LARGE1: variants seen among roughly 807,000 people sequenced by gnomAD.
LARGE1 encodes the protein xylosyl- and glucuronyltransferase LARGE1.
A neutral mutation model predicts 87.6 loss-of-function variants in LARGE1; 43 were observed. That is an observed-to-expected ratio of 0.49 (90% confidence interval 0.38 to 0.63). LARGE1 has a LOEUF of 0.63. Ranked by LOEUF, LARGE1 falls within the 30% of genes least tolerant of loss-of-function variation. LARGE1 has a pLI of 0.00. For synonymous variants in LARGE1, 434 were observed against 394.6 expected, an observed-to-expected ratio of 1.10 and a Z score of -1.18; for missense variants, 802 against 1,000.2, an observed-to-expected ratio of 0.80 and a Z score of 2.67.
At chr22:33,673,133 G>C (rs2081466687) in intron 2 of LARGE1, among the ~76,000 whole-genome samples, 1 of 152,072 alleles carries the variant, frequency 6.6e-6, no homozygotes, top group Non-Finnish European at 1.5e-5. Flanking sequence ...AAATTAGCCA[G>C]GCATGGTGGC....
chr22:33,897,754 C>A (rs2065182720), intron 1 of LARGE1, among the ~76,000 whole-genome samples: 1 of 152,192 alleles, frequency 6.6e-6, no homozygotes, highest in Admixed American at 6.5e-5. Context: ...CACAATAAAT[C>A]ACAGGGACCT....
At chr22:33,822,022 A>G (rs2086841613) in intron 1 of LARGE1, among the ~76,000 whole-genome samples, 1 of 149,660 alleles carries the variant, frequency 6.7e-6, no homozygotes, top group Non-Finnish European at 1.5e-5. Context: ...GTGAAAAGAT[A>G]CTTCCCTGAT....
chr22:33,764,700 G>A, intron 1 of LARGE1, among the ~76,000 whole-genome samples: 1 of 152,194 alleles, frequency 6.6e-6, no homozygotes, highest in East Asian at 1.9e-4. Context: ...GGAGGTTACA[G>A]TGAGCAAGAT....
chr22:33,157,206 G>GAAT, the LARGE1 span, among the ~76,000 whole-genome samples: 63,964 of 151,838 alleles, frequency 0.42, 13,868 homozygotes, highest in South Asian at 0.68. Context: ...CAAAGTGAGT[G>GAAT]AATCATTATG....
chr22:33,220,321 T>C (rs370945785), intron 11 of LARGE1, among the ~76,000 whole-genome samples: 1 of 152,202 alleles, frequency 6.6e-6, no homozygotes, highest in East Asian at 1.9e-4. Context: ...AAACAATATA[T>C]GTTTGCTGTT....
intron 7 of LARGE1, among the ~76,000 whole-genome samples, chr22:33,411,971 C>G (rs2066317807): frequency 6.6e-6 from 1 of 152,182 alleles, no homozygotes; most frequent in Non-Finnish European, 1.5e-5. Context: ...ACAGTACTTA[C>G]TTTCAGGGAA....
chr22:33,477,668 C>T (rs2069137743), intron 6 of LARGE1, among the ~76,000 whole-genome samples: 1 of 152,146 alleles, frequency 6.6e-6, no homozygotes, highest in South Asian at 2.1e-4. Flanking sequence ...TAGAGCTCAG[C>T]TGAGTAATTC....
intron 11 of LARGE1, among the ~76,000 whole-genome samples, chr22:33,210,896 G>T (rs1602097737): frequency 6.6e-6 from 1 of 152,200 alleles, no homozygotes; most frequent in African/African-American, 2.4e-5. Flanking sequence ...ATTGGCTCTG[G>T]CTGCCGTAAC....
Position 33,541,004 on chromosome 22 carries a change from G to C in LARGE1, c.787+23844C>G, listed in dbSNP as rs950020783. On this transcript the variant is annotated intron_variant, in intron 6 of 14. Coordinates refer to ENST00000397394, the MANE Select transcript of LARGE1 (RefSeq NM_133642.5). ...AATATAAAAATTAGCCAGGTGTGGT[G>C]GTGCACACCTGTAGTTACAGCTACT... Among the ~76,000 whole-genome samples the C allele has an allele frequency of 1.6e-3, 219 of 138,762 alleles. 1 individual carries two copies. Among genetic ancestry groups the C allele is most frequent in the African/African-American group, 5.6e-3 (210 of 37,682 alleles). 91.0% of individuals were successfully genotyped at this position (138,762 alleles called of 152,430 possible).
chr22:33,651,249 G>A (rs1490098372), intron 2 of LARGE1, among the ~76,000 whole-genome samples: 3 of 59,166 alleles, frequency 5.1e-5, no homozygotes, highest in East Asian at 4.0e-4. Context: ...AAAATTAGCC[G>A]GGCTTGGTGG....
chr22:33,550,204 T>C (rs1192006508), intron 6 of LARGE1, among the ~76,000 whole-genome samples: 4 of 151,832 alleles, frequency 2.6e-5, no homozygotes, highest in African/African-American at 9.7e-5. Flanking sequence ...TATGTATATA[T>C]ATATAGAAGT....
intron 5 of LARGE1, among the ~76,000 whole-genome samples, chr22:33,568,766 CAAAAAAAAAAA>C (rs57651807): frequency 1.1e-5 from 1 of 92,792 alleles, no homozygotes; most frequent in Non-Finnish European, 2.2e-5. Flanking sequence ...AACTCAGTCT[CAAAAAAAAAAA>C]AAAAAAAATA....
At chr22:33,868,043 T>C (rs1319807730) in intron 1 of LARGE1, among the ~76,000 whole-genome samples, 1 of 152,174 alleles carries the variant, frequency 6.6e-6, no homozygotes, top group Non-Finnish European at 1.5e-5. Flanking sequence ...CGCTCCATTT[T>C]CCCACAACCA....
At chr22:33,847,030 T>C (rs2063454161) in intron 1 of LARGE1, among the ~76,000 whole-genome samples, 1 of 152,210 alleles carries the variant, frequency 6.6e-6, no homozygotes, top group Non-Finnish European at 1.5e-5. Flanking sequence ...CCCTCCCCTT[T>C]TGAAACTCCC....
intron 2 of LARGE1, among the ~76,000 whole-genome samples, chr22:33,706,100 T>C (rs1266526712): frequency 1.3e-5 from 2 of 152,244 alleles, no homozygotes; most frequent in Non-Finnish European, 1.5e-5. Context: ...TTTCTAAAGA[T>C]GACAGTGAGA....
chr22:33,179,878 TA>T (rs1298221055), intron 11 of LARGE1, among the ~76,000 whole-genome samples: 1 of 151,746 alleles, frequency 6.6e-6, no homozygotes, highest in African/African-American at 2.4e-5. Flanking sequence ...TGTTGAAACG[TA>T]ATGGCTACTG....
intron 10 of LARGE1, among the ~76,000 whole-genome samples, 157 bp downstream of exon 10, chr22:33,337,489 C>T (rs916664370): frequency 2.6e-5 from 4 of 152,246 alleles, no homozygotes; most frequent in Admixed American, 2.0e-4. Flanking sequence ...CGCTGATGTA[C>T]CTCTCTCCCC....
At chr22:33,876,660 C>A (rs1437012412) in intron 1 of LARGE1, among the ~76,000 whole-genome samples, 2 of 122,524 alleles carry the variant, frequency 1.6e-5, no homozygotes, top group East Asian at 5.6e-4. Context: ...TGCGGGGGTG[C>A]GGGGCTAGGG....
chr22:33,435,821 C>T (rs989242447), intron 6 of LARGE1, among the ~76,000 whole-genome samples: 4 of 152,174 alleles, frequency 2.6e-5, no homozygotes, highest in African/African-American at 9.7e-5. Context: ...CTCTCAGGCA[C>T]GCCAATCCTC....
Sources: allele counts gnomAD v4.1 joint callset (sites outside exome capture counted in the v4.1 genomes callset), GRCh38; gene constraint gnomAD v4.1.1; transcripts MANE v1.5; gene names NCBI Gene and HGNC (gene_info 2026-07-23, HGNC 2026-07-21).